GSPT1: variants seen among roughly 807,000 people sequenced by gnomAD.
The protein encoded by GSPT1 is eukaryotic peptide chain release factor GTP-binding subunit ERF3A.
Under a neutral mutation model 72.5 loss-of-function variants are expected in GSPT1, and 20 were observed. That is an observed-to-expected ratio of 0.28 (90% CI 0.19 to 0.40). The LOEUF (loss-of-function observed/expected upper bound fraction) is 0.40, where lower values mean the gene tolerates loss of function less well. Among genes scored for constraint, GSPT1 ranks in the 10% least tolerant of loss-of-function variants. GSPT1 has a pLI of 1.00. For missense variants in GSPT1, 580 were observed against 811.9 expected, an observed-to-expected ratio of 0.71 and a Z score of 3.47; for synonymous variants, 334 against 293.5, an observed-to-expected ratio of 1.14 and a Z score of -1.41.
chr16:11,878,594 TA>T (rs71136693), intron 11 of GSPT1, among the ~76,000 whole-genome samples: 58,728 of 131,044 alleles, frequency 0.45, 12,832 homozygotes, highest in East Asian at 0.72. Flanking sequence ...ACCCTGTCTT[TA>T]AAAAAAAAAA....
At chr16:11,913,270 A>T (rs1295216578) in intron 1 of GSPT1, among the ~76,000 whole-genome samples, 1 of 152,220 alleles carries the variant, frequency 6.6e-6, no homozygotes, top group Admixed American at 6.5e-5. Flanking sequence ...TTCTTTTCCA[A>T]ATAGACATCC....
At chr16:11,916,126 C>T (rs547224124), upstream of GSPT1, 739 of 411,302 alleles carry the variant, frequency 1.8e-3, 5 homozygotes, top group Middle Eastern at 4.5e-3. Flanking sequence ...GTTCCGGCAG[C>T]GCCCGCGCTA....
intron 14 of GSPT1, 45 bp from the exon 15 acceptor site, chr16:11,873,216 G>A (rs766808212): frequency 1.1e-6 from 1 of 911,818 alleles, no homozygotes; most frequent in South Asian, 1.3e-5. Flanking sequence ...TTAACAGCAA[G>A]TCTATATAAG....
At chr16:11,892,746 T>G (rs2054283124) in intron 5 of GSPT1, among the ~76,000 whole-genome samples, 1 of 131,236 alleles carries the variant, frequency 7.6e-6, no homozygotes, top group Admixed American at 9.2e-5. Flanking sequence ...GGAGAATCAT[T>G]TGAACCCAGG....
At position 11,880,780 on chromosome 16, in the gene GSPT1, T is replaced by C. The variant is rs183345246; in HGVS notation, c.1428+2235A>G. 7.2e-5 allele frequency among the ~76,000 whole-genome samples: 11 copies of C among 151,966 alleles called. 1 individual carries two copies. The highest frequency in any genetic ancestry group is 2.6e-4 in the African/African-American group (11 of 41,572). ...GTTGTTCAGGTTTTCTGTTGACTTGTAGGAGTTCTTCATATATTCTAGATA... is the reference window on the plus strand; with the variant it reads ...GTTGTTCAGGTTTTCTGTTGACTTGCAGGAGTTCTTCATATATTCTAGATA... On this transcript the variant is annotated intron_variant, in intron 11 of 14. Transcript: ENST00000434724.
At chr16:11,885,354 CTAA>C (rs1417731019) in intron 9 of GSPT1, 80 bp from the exon 10 acceptor site, 25 of 710,524 alleles carry the variant, frequency 3.5e-5, no homozygotes, top group Middle Eastern at 2.4e-4. Flanking sequence ...TAAACAGCTT[CTAA>C]TAATATTTTC....
chr16:11,898,612 C>T (rs2054369480), intron 1 of GSPT1, among the ~76,000 whole-genome samples: 2 of 151,924 alleles, frequency 1.3e-5, no homozygotes, highest in South Asian at 2.1e-4. Flanking sequence ...CCACCATGCC[C>T]GGCTAATTTT....
Position 11,891,103 on chromosome 16 carries a change from T to C in GSPT1, c.735A>G (p.Glu245=). Residue 245 remains glutamate, a synonymous_variant, in exon 6 of 15, where the codon GAA becomes GAG. Coordinates refer to ENST00000434724, the MANE Select transcript of GSPT1 (RefSeq NM_002094.4). The stretch of plus-strand genomic sequence containing the variant: ...TCTCTTTAGCTTCTCTTTCATACTT[T>C]TCAAGCGTCCTTTTGTCAACCATTC... ...LTGMVDKRTL[E]KYEREAKEKN... The C allele has an allele frequency of 6.6e-7, 1 of 1,508,128 alleles. No individual in the cohort carries two copies. Among genetic ancestry groups the C allele is most frequent in the South Asian group, 1.3e-5 (1 of 79,616 alleles). 93.4% of individuals were successfully genotyped at this position (1,508,128 alleles called of 1,614,324 possible).
intron 1 of GSPT1, among the ~76,000 whole-genome samples, chr16:11,910,799 T>G (rs1047965498): frequency 9.2e-5 from 14 of 152,242 alleles, no homozygotes; most frequent in African/African-American, 3.4e-4. Flanking sequence ...AGATATGTAC[T>G]GACAGCACTA....
chr16:11,915,318 A>G, intron 1 of GSPT1, 51 bp downstream of exon 1: 2 of 1,417,444 alleles, frequency 1.4e-6, no homozygotes, highest in African/African-American at 1.5e-5. Context: ...CCCCTACGCC[A>G]TGTGGGCTCC....
chr16:11,878,211 G>A (rs1326771056), intron 11 of GSPT1, among the ~76,000 whole-genome samples: 1 of 152,146 alleles, frequency 6.6e-6, no homozygotes, highest in Non-Finnish European at 1.5e-5. Flanking sequence ...TGCCTCCTGG[G>A]TTCAAGCCAT....
intron 6 of GSPT1, 133 bp downstream of exon 6, chr16:11,890,926 TGAG>T (rs1300387047): frequency 1.2e-5 from 7 of 586,602 alleles, no homozygotes; most frequent in Middle Eastern, 4.3e-4. Context: ...CTGTGTATTA[TGAG>T]GAGAGGGGAA....
intron 10 of GSPT1, among the ~76,000 whole-genome samples, chr16:11,884,835 G>A (rs2054167463): frequency 1.3e-5 from 2 of 151,014 alleles, no homozygotes; most frequent in Admixed American, 6.6e-5. Flanking sequence ...GGGGGAGGCC[G>A]AGGCAGGTGG....
At chr16:11,890,932 G>A (rs921665232) in intron 6 of GSPT1, 130 bp downstream of exon 6, 2 of 593,286 alleles carry the variant, frequency 3.4e-6, no homozygotes, top group Non-Finnish European at 6.0e-6. Flanking sequence ...ATTATGAGGA[G>A]AGGGGAAATT....
rs903831736 is a variant in GSPT1, at chr16:11,871,205, A to G, written c.*1914T>C. On this transcript the variant is annotated 3_prime_UTR_variant, in exon 15 of 15. Transcript: ENST00000434724. Reference sequence around the variant, plus strand: ...CATAATTATAGTTTTAAGAATCTGTAGGACAATAACTTTGCTCTGTCCATA... The same window carrying G: ...CATAATTATAGTTTTAAGAATCTGTGGGACAATAACTTTGCTCTGTCCATA... 1 of 152,224 alleles carries G rather than the reference A, an allele frequency of 6.6e-6. No homozygotes were observed. The highest frequency in any genetic ancestry group is 1.5e-5 in the Non-Finnish European group (1 of 68,036). The allele number at this position is 152,224 out of a possible 1,614,324, so 9.4% of individuals were successfully genotyped here.
chr16:11,880,912 T>C, intron 11 of GSPT1, among the ~76,000 whole-genome samples: 2 of 152,362 alleles, frequency 1.3e-5, no homozygotes, highest in Middle Eastern at 3.4e-3. Context: ...TTTTATTTGA[T>C]ATTTGAGACG....
At chr16:11,874,512 T>C (rs1401516596) in intron 14 of GSPT1, among the ~76,000 whole-genome samples, 5 of 128,942 alleles carry the variant, frequency 3.9e-5, no homozygotes, top group Non-Finnish European at 3.2e-5. Context: ...TAGGAAAAAA[T>C]AATTCTAGGG....
intron 11 of GSPT1, chr16:11,881,668 TTTTTTA>T (rs1467190467): frequency 7.5e-5 from 11 of 146,360 alleles, no homozygotes; most frequent in African/African-American, 2.8e-4. Flanking sequence ...TTTTTTTTTT[TTTTTTA>T]GTAAAGGTCT....
intron 9 of GSPT1, 31 bp downstream of exon 9, chr16:11,886,440 T>A: frequency 6.5e-7 from 1 of 1,534,540 alleles, no homozygotes; most frequent in South Asian, 1.2e-5. Context: ...ATCCTTTTCC[T>A]TTTTAAAAAA....
Sources: gnomAD v4.1 joint callset for allele counts (sites outside exome capture counted in the v4.1 genomes callset) on GRCh38, gnomAD v4.1.1 for gene constraint, MANE v1.5 for transcripts, NCBI Gene and HGNC (gene_info 2026-07-23, HGNC 2026-07-21) for gene names.